CDK17: variants seen among roughly 807,000 people sequenced by gnomAD.
The protein encoded by CDK17 is cyclin-dependent kinase 17.
A neutral mutation model predicts 77.6 loss-of-function variants in CDK17; 24 were observed. The observed-to-expected ratio is 0.31, with a 90% confidence interval of 0.22 to 0.44. The LOEUF (loss-of-function observed/expected upper bound fraction) is 0.44, where lower values mean the gene tolerates loss of function less well. Ranked by LOEUF, CDK17 falls within the 20% of genes least tolerant of loss-of-function variation. CDK17 has a pLI of 1.00. For synonymous variants in CDK17, 203 were observed against 210.4 expected, an observed-to-expected ratio of 0.96 and a Z score of 0.30; for missense variants, 429 against 622.5, an observed-to-expected ratio of 0.69 and a Z score of 3.31.
At chr12:96,388,460 C>T (rs1954012511) in intron 1 of CDK17, among the ~76,000 whole-genome samples, 1 of 152,176 alleles carries the variant, frequency 6.6e-6, no homozygotes, top group African/African-American at 2.4e-5. Flanking sequence ...CTCACTGCTA[C>T]AGTTACGCTC....
At chr12:96,305,687 T>C (rs1952567892) in intron 5 of CDK17, among the ~76,000 whole-genome samples, 1 of 152,080 alleles carries the variant, frequency 6.6e-6, no homozygotes, top group Admixed American at 6.6e-5. Context: ...AAGTTTGTTA[T>C]ACAGAAAAGG....
chr12:96,334,928 C>T (rs960221851), intron 1 of CDK17, 63 bp from the exon 2 acceptor site: 4 of 727,288 alleles, frequency 5.5e-6, no homozygotes, highest in Admixed American at 2.2e-5. Context: ...AGAAAAATAC[C>T]GCCTGGGTTT....
intron 3 of CDK17, among the ~76,000 whole-genome samples, chr12:96,322,447 T>C (rs1952834189): frequency 6.6e-6 from 1 of 151,682 alleles, no homozygotes; most frequent in Admixed American, 6.6e-5. Flanking sequence ...CAATGGAGAC[T>C]GTATGCCCAT....
intron 1 of CDK17, among the ~76,000 whole-genome samples, chr12:96,345,974 A>G (rs541377031): frequency 8.5e-5 from 13 of 152,364 alleles, no homozygotes; most frequent in South Asian, 8.3e-4. Flanking sequence ...AAACTCTTCA[A>G]TTAAAAGGCA....
At chr12:96,389,880 A>C (rs1954039659) in intron 1 of CDK17, among the ~76,000 whole-genome samples, 1 of 149,216 alleles carries the variant, frequency 6.7e-6, no homozygotes, top group Non-Finnish European at 1.5e-5. Context: ...ACCAGGCTGG[A>C]GTGCAGCGGT....
Position 96,377,700 on chromosome 12 carries a change from T to G in CDK17, c.-30+22286A>C, listed in dbSNP as rs1953805221. Reference sequence around the variant, plus strand: ...AGAAGCAGTTTTTTTTTTTCGTTTTTTTTTTTTTTTTGAGATGGAGTCTCG... The same window carrying G: ...AGAAGCAGTTTTTTTTTTTCGTTTTGTTTTTTTTTTTGAGATGGAGTCTCG... On this transcript the variant is annotated intron_variant, in intron 1 of 16. Transcript: ENST00000261211. 2.0e-5 allele frequency among the ~76,000 whole-genome samples: 3 copies of G among 149,772 alleles called. No homozygotes were observed. In the South Asian group the frequency reaches 6.4e-4, roughly 32 times the overall value.
At position 96,316,373 on chromosome 12, in the gene CDK17, T is replaced by C. The variant is rs1952718315; in HGVS notation, c.284-2919A>G. 6.0e-5 allele frequency among the ~76,000 whole-genome samples: 9 copies of C among 149,812 alleles called. No homozygotes were observed. In the South Asian group the frequency reaches 1.9e-3, roughly 32 times the overall value. Reference sequence around the variant, plus strand: ...TCAAACCGCAAGGCGGCAGCGAGGCTGGGGGAGGGGCGCCCGCCATTGCCC... The same window carrying C: ...TCAAACCGCAAGGCGGCAGCGAGGCCGGGGGAGGGGCGCCCGCCATTGCCC... On this transcript the variant is annotated intron_variant, in intron 3 of 16. Transcript: ENST00000261211.
intron 1 of CDK17, chr12:96,387,099 T>C (rs1331019890): frequency 9.0e-6 from 3 of 332,728 alleles, no homozygotes; most frequent in Non-Finnish European, 1.8e-5. Context: ...CACGGTGACA[T>C]CCACACCTGT....
chr12:96,320,153 T>C (rs937635829), intron 3 of CDK17, among the ~76,000 whole-genome samples: 5 of 152,078 alleles, frequency 3.3e-5, no homozygotes, highest in Admixed American at 2.0e-4. Context: ...AGCATTCTTA[T>C]ACACCAACAA....
intron 1 of CDK17, among the ~76,000 whole-genome samples, chr12:96,396,869 G>A (rs1592779841): frequency 6.6e-6 from 1 of 152,134 alleles, no homozygotes; most frequent in East Asian, 1.9e-4. Flanking sequence ...TAAAGACTAG[G>A]AAACATCAAT....
chr12:96,286,044 TG>T lies in CDK17; in HGVS notation c.1320del (p.Arg441GlyfsTer2). 6.6e-7 allele frequency: 1 copy of T among 1,517,546 alleles called. No individual in the cohort carries two copies. Among genetic ancestry groups the T allele is most frequent in the Non-Finnish European group, 9.1e-7 (1 of 1,100,882 alleles). The allele number at this position is 1,517,546 out of a possible 1,614,324, so 94.0% of individuals were successfully genotyped here. ...YKPQPLINHA[P>X]RLDSEGIELI... ...CTTTCACATAAGAAAAAAAAATACC[TG>T]GGTGCGTGGTTAATTAGAGGCTGTG... On this transcript the variant is annotated frameshift_variant and splice_region_variant, in exon 13 of 17. Transcript: ENST00000261211. LOFTEE classifies it high-confidence loss of function.
rs1952145251 is a variant in CDK17, at chr12:96,279,457, A to G, written c.*785T>C. The G allele has an allele frequency of 6.6e-6, 1 of 152,258 alleles. No homozygotes were observed. The highest frequency in any genetic ancestry group is 2.4e-5 in the African/African-American group (1 of 41,478). The allele number at this position is 152,258 out of a possible 1,614,324, so 9.4% of individuals were successfully genotyped here. A position where few individuals can be genotyped will look rare whatever the true frequency, so the allele number is the denominator to read the frequency against. On this transcript the variant is annotated 3_prime_UTR_variant, in exon 17 of 17. Coordinates refer to ENST00000261211, the MANE Select transcript of CDK17 (RefSeq NM_002595.5). ...TAAGTTTTAACTAAATTTAAAACAC[A>G]ATGTAAAATAGGTAAGTGTATTAGT...
intron 1 of CDK17, among the ~76,000 whole-genome samples, chr12:96,337,385 C>T (rs1476588731): frequency 2.6e-5 from 4 of 152,178 alleles, no homozygotes; most frequent in Non-Finnish European, 5.9e-5. Flanking sequence ...TCTCCCTTCT[C>T]TCCTGAATCT....
At chr12:96,392,997 A>G (rs1954096746) in intron 1 of CDK17, among the ~76,000 whole-genome samples, 1 of 152,248 alleles carries the variant, frequency 6.6e-6, no homozygotes, top group African/African-American at 2.4e-5. Flanking sequence ...CTTTAAAAAT[A>G]CCAACTGCAA....
intron 2 of CDK17, among the ~76,000 whole-genome samples, chr12:96,329,413 C>T (rs1161731438): frequency 6.6e-6 from 1 of 152,126 alleles, no homozygotes; most frequent in African/African-American, 2.4e-5. Context: ...ACCACCACAA[C>T]ATGATAATCA....
intron 5 of CDK17, among the ~76,000 whole-genome samples, chr12:96,309,427 G>T (rs912756300): frequency 2.2e-4 from 34 of 152,126 alleles, no homozygotes; most frequent in African/African-American, 6.8e-4. Flanking sequence ...TCTACTACAG[G>T]ACTATAGTCA....
At chr12:96,315,980 G>A (rs1007027812) in intron 3 of CDK17, among the ~76,000 whole-genome samples, 9 of 152,210 alleles carry the variant, frequency 5.9e-5, no homozygotes, top group South Asian at 2.1e-4. Flanking sequence ...GAACAGCTCC[G>A]GTCTACAGCT....
At chr12:96,311,210 A>G in intron 4 of CDK17, 33 bp from the exon 5 acceptor site, 1 of 1,505,222 alleles carries the variant, frequency 6.6e-7, no homozygotes, top group East Asian at 2.5e-5. Context: ...CCAAAATAGT[A>G]AAGGCAAGGC....
chr12:96,359,275 T>C (rs555001119), intron 1 of CDK17, among the ~76,000 whole-genome samples: 1 of 152,362 alleles, frequency 6.6e-6, no homozygotes, highest in Non-Finnish European at 1.5e-5. Context: ...TTATCTGAGA[T>C]GTGTTTATTT....
Sources: allele counts gnomAD v4.1 joint callset (sites outside exome capture counted in the v4.1 genomes callset), GRCh38; gene constraint gnomAD v4.1.1; transcripts MANE v1.5; gene names NCBI Gene and HGNC (gene_info 2026-07-23, HGNC 2026-07-21).